The following VEZT variants were observed in gnomAD, a reference collection of about 807,000 sequenced individuals.
VEZT encodes the protein vezatin, adherens junctions transmembrane protein, also known as vezatin.
VEZT carries 39 observed loss-of-function variants against 79.9 expected under a neutral mutation model. The ratio of observed to expected loss-of-function variants is 0.49; its 90% CI spans 0.38 to 0.64. VEZT has a LOEUF of 0.64. VEZT is among the 30% of genes least tolerant of loss of function. The pLI, the probability that VEZT is intolerant of heterozygous loss-of-function variation, is 0.00. For synonymous variants in VEZT, 325 were observed against 327.6 expected, an observed-to-expected ratio of 0.99 and a Z score of 0.09; for missense variants, 837 against 893.1, an observed-to-expected ratio of 0.94 and a Z score of 0.80.
At chr12:95,297,215 T>C (rs2074343050) in intron 11 of VEZT, among the ~76,000 whole-genome samples, 1 of 152,196 alleles carries the variant, frequency 6.6e-6, no homozygotes, top group African/African-American at 2.4e-5. Flanking sequence ...GCTTAATACT[T>C]GACAGTATCA....
chr12:95,268,615 CA>C (rs764474240), intron 5 of VEZT, among the ~76,000 whole-genome samples: 182 of 152,260 alleles, frequency 1.2e-3, no homozygotes, highest in Non-Finnish European at 2.3e-3. Flanking sequence ...TGCCTTGTGT[CA>C]TTTTCCAACT....
intron 7 of VEZT, among the ~76,000 whole-genome samples, chr12:95,279,854 G>A (rs2068613524): frequency 7.1e-6 from 1 of 141,240 alleles, no homozygotes. Context: ...CAAAGTGCTG[G>A]GATTACAGGT....
intron 1 of VEZT, among the ~76,000 whole-genome samples, chr12:95,246,393 G>A (rs942515154): frequency 1.3e-5 from 2 of 152,172 alleles, no homozygotes; most frequent in Non-Finnish European, 2.9e-5. Context: ...AAAGTGCTGG[G>A]ATTACAGGCG....
intron 6 of VEZT, among the ~76,000 whole-genome samples, chr12:95,270,503 C>T (rs1188676291): frequency 1.3e-5 from 2 of 152,168 alleles, no homozygotes; most frequent in East Asian, 3.9e-4. Context: ...ACAAATTTCT[C>T]AACATGGCAG....
chr12:95,233,597 T>G lies in VEZT; in HGVS notation c.36+15711T>G, dbSNP rs561825138. ...TTGTATTTTTAGTACACACAAGGTT[T>G]CACCATGTTGGCCAGGCTGGTCTCA... On this transcript the variant is annotated intron_variant, in intron 1 of 11. Transcript: ENST00000436874. Among the ~76,000 whole-genome samples, 133 of 152,180 alleles carry G rather than the reference T, an allele frequency of 8.7e-4. 1 individual carries two copies. Among genetic ancestry groups the G allele is most frequent in the African/African-American group, 3.0e-3 (123 of 41,510 alleles).
At chr12:95,298,965 T>C (rs572763817) in intron 11 of VEZT, 1 of 154,838 alleles carries the variant, frequency 6.5e-6, no homozygotes, top group Non-Finnish European at 1.5e-5. Context: ...TGATATAGTT[T>C]ACATTGGAAA....
intron 6 of VEZT, among the ~76,000 whole-genome samples, chr12:95,272,745 G>A (rs2066878387): frequency 6.6e-6 from 1 of 152,210 alleles, no homozygotes. Context: ...CTTTGAACAT[G>A]TAGGGGAAAA....
intron 1 of VEZT, chr12:95,224,077 C>G: frequency 2.3e-6 from 1 of 433,382 alleles, no homozygotes; most frequent in Non-Finnish European, 4.7e-6. Flanking sequence ...TTGATGTTAT[C>G]ATTGGTGATT....
chr12:95,252,245 C>T, intron 2 of VEZT, 174 bp downstream of exon 2: 1 of 546,422 alleles, frequency 1.8e-6, no homozygotes, highest in Non-Finnish European at 2.9e-6. Flanking sequence ...CTTTGGAATA[C>T]TTTGTAGGTA....
intron 2 of VEZT, among the ~76,000 whole-genome samples, chr12:95,255,577 G>A (rs543754119): frequency 9.9e-5 from 15 of 151,870 alleles, no homozygotes; most frequent in African/African-American, 3.6e-4. Flanking sequence ...GATTATAGGT[G>A]CCCACCACCA....
intron 7 of VEZT, among the ~76,000 whole-genome samples, chr12:95,280,855 G>A (rs1368039405): frequency 6.6e-6 from 1 of 152,044 alleles, no homozygotes; most frequent in East Asian, 1.9e-4. Flanking sequence ...GAATAAGAAG[G>A]CTTGCAAGTA....
At chr12:95,270,209 A>G (rs373113057) in intron 6 of VEZT, 21 bp downstream of exon 6, 35 of 1,574,388 alleles carry the variant, frequency 2.2e-5, no homozygotes, top group Non-Finnish European at 2.9e-5. Flanking sequence ...CTGTTTATAT[A>G]TGAAACTAAG....
chr12:95,266,786 A>T (rs2065623775), intron 5 of VEZT, among the ~76,000 whole-genome samples, 154 bp downstream of exon 5: 1 of 152,240 alleles, frequency 6.6e-6, no homozygotes, highest in African/African-American at 2.4e-5. Context: ...TGCTAAGTGA[A>T]GGAATAAATA....
Position 95,294,305 on chromosome 12 carries a change from G to A in VEZT, c.1556G>A (p.Cys519Tyr), listed in dbSNP as rs1272533246. The part of the protein sequence containing the change: ...KPEIACENPH[C>Y]TVVPLKQPTL... Reference sequence around the variant, plus strand: ...GAAATAGCATGTGAAAACCCACATTGTACAGTAGTACCTTTGAAGCAGCCT... The same window carrying A: ...GAAATAGCATGTGAAAACCCACATTATACAGTAGTACCTTTGAAGCAGCCT... The change falls in exon 10 of 12, where the codon TGT becomes TAT. Residue 519 changes from cysteine to tyrosine, a missense_variant. Coordinates refer to ENST00000436874, the MANE Select transcript of VEZT (RefSeq NM_017599.4). 6.3e-7 allele frequency: 1 copy of A among 1,593,192 alleles called. No homozygotes were observed. Among genetic ancestry groups the A allele is most frequent in the South Asian group, 1.1e-5 (1 of 87,100 alleles).
chr12:95,269,670 G>A (rs2066218615), intron 5 of VEZT, among the ~76,000 whole-genome samples: 1 of 152,128 alleles, frequency 6.6e-6, no homozygotes, highest in African/African-American at 2.4e-5. Flanking sequence ...TGAATATAAA[G>A]TAGCTCTTCT....
chr12:95,224,140 C>T (rs2058055320), intron 1 of VEZT: 1 of 456,006 alleles, frequency 2.2e-6, no homozygotes, highest in Admixed American at 2.3e-5. Flanking sequence ...TCATTATGGA[C>T]TGCATCACTG....
At chr12:95,292,178 G>C (rs1239448781) in intron 9 of VEZT, among the ~76,000 whole-genome samples, 2 of 152,166 alleles carry the variant, frequency 1.3e-5, no homozygotes, top group Admixed American at 6.5e-5. Context: ...AAATTTGTGA[G>C]TCAGTTTAAC....
intron 1 of VEZT, among the ~76,000 whole-genome samples, chr12:95,239,141 G>A (rs1240356510): frequency 6.6e-6 from 1 of 151,980 alleles, no homozygotes; most frequent in African/African-American, 2.4e-5. Flanking sequence ...AGGGGACTAG[G>A]GTAGGAAAAA....
At chr12:95,281,669 C>A (rs924586708) in intron 7 of VEZT, among the ~76,000 whole-genome samples, 1 of 151,570 alleles carries the variant, frequency 6.6e-6, no homozygotes, top group South Asian at 2.1e-4. Flanking sequence ...CCTCGGCCTC[C>A]GAAGTAGCTG....
Sources: allele counts gnomAD v4.1 joint callset (sites outside exome capture counted in the v4.1 genomes callset), GRCh38; gene constraint gnomAD v4.1.1; transcripts MANE v1.5; gene names NCBI Gene and HGNC (gene_info 2026-07-23, HGNC 2026-07-21).